RIPK2: variants seen among roughly 807,000 people sequenced by gnomAD.
RIPK2 encodes the protein receptor-interacting serine/threonine-protein kinase 2.
Under a neutral mutation model 60.9 loss-of-function variants are expected in RIPK2, and 38 were observed. That is an observed-to-expected ratio of 0.62 (90% confidence interval 0.48 to 0.82). The LOEUF is 0.82. Ranked by LOEUF, RIPK2 falls within the 40% of genes least tolerant of loss-of-function variation. The pLI, the probability that RIPK2 is intolerant of heterozygous loss-of-function variation, is 0.00. For synonymous variants in RIPK2, 225 were observed against 223.4 expected (o/e 1.01, Z -0.06); for missense variants, 518 against 647.0 (o/e 0.80, Z 2.16).
chr8:89,763,358 A>G (rs1809176073), intron 2 of RIPK2, among the ~76,000 whole-genome samples: 1 of 152,202 alleles, frequency 6.6e-6, no homozygotes, highest in Non-Finnish European at 1.5e-5. Context: ...TAATGTTATT[A>G]ATACCAGTTC....
intron 6 of RIPK2, 66 bp downstream of exon 6, chr8:89,772,894 T>C: frequency 1.8e-6 from 2 of 1,138,076 alleles, no homozygotes; most frequent in Non-Finnish European, 2.4e-6. Context: ...GTGAATAAAA[T>C]ATTCCTTGAA....
intron 3 of RIPK2, among the ~76,000 whole-genome samples, chr8:89,768,529 G>T (rs562001518): frequency 2.6e-5 from 4 of 151,678 alleles, no homozygotes; most frequent in Non-Finnish European, 4.4e-5. Flanking sequence ...CATTCAGTTT[G>T]TCTGGAATAC....
At chr8:89,773,597 A>G (rs1809349058) in intron 6 of RIPK2, among the ~76,000 whole-genome samples, 1 of 152,192 alleles carries the variant, frequency 6.6e-6, no homozygotes, top group Admixed American at 6.6e-5. Context: ...ATGATCTGAT[A>G]GAAGTTTAGG....
At chr8:89,769,750 T>C (rs771846979) in intron 3 of RIPK2, 22 bp from the exon 4 acceptor site, 19 of 1,480,108 alleles carry the variant, frequency 1.3e-5, no homozygotes, top group South Asian at 1.5e-5. Context: ...ATTTCTTAAT[T>C]ATTTGCTCTT....
In RIPK2 at chr8:89,757,903, G is replaced by C. The variant is rs1277428521; in HGVS notation, c.-158G>C. The C allele has an allele frequency of 3.6e-6, 5 of 1,383,326 alleles. No homozygotes were observed. The highest frequency in any genetic ancestry group is 4.7e-6 in the Non-Finnish European group (5 of 1,070,800). The allele number at this position is 1,383,326 out of a possible 1,614,324, so 85.7% of individuals were successfully genotyped here. A position where few individuals can be genotyped will look rare whatever the true frequency, so the allele number is the denominator to read the frequency against. Reference sequence around the variant, plus strand: ...AGCAGCGGCTGGCGTGGGCCATCCGGGGAATGGGCGCCCTCGTGACCTAGT... The same window carrying C: ...AGCAGCGGCTGGCGTGGGCCATCCGCGGAATGGGCGCCCTCGTGACCTAGT... On this transcript the variant is annotated 5_prime_UTR_variant, in exon 1 of 11. Coordinates refer to ENST00000220751, the MANE Select transcript of RIPK2 (RefSeq NM_003821.6).
intron 6 of RIPK2, among the ~76,000 whole-genome samples, chr8:89,777,628 G>A (rs774730100): frequency 6.6e-6 from 1 of 151,946 alleles, no homozygotes; most frequent in Non-Finnish European, 1.5e-5. Context: ...ACAAAGTACT[G>A]TTGTCTGCCT....
At position 89,758,203 on chromosome 8, in the gene RIPK2, A is replaced by C. The variant is rs1401126731; in HGVS notation, c.143A>C (p.His48Pro). Residue 48 changes from histidine to proline, a missense_variant, in exon 1 of 11, where the codon CAC becomes CCC. His to Pro is a moderately conservative substitution (Grantham distance 77). Transcript: ENST00000220751. ...TGGCGCGTCCAGGTGGCCGTGAAGCACCTGCACATCCACACTCCGCTGCTC... is the reference window on the plus strand; with the variant it reads ...TGGCGCGTCCAGGTGGCCGTGAAGCCCCTGCACATCCACACTCCGCTGCTC... ...ADWRVQVAVKHLHIHTPLLDS... is the reference protein window; with the variant it reads ...ADWRVQVAVKPLHIHTPLLDS... 6.2e-7 allele frequency: 1 copy of C among 1,609,618 alleles called. No homozygotes were observed. The highest frequency in any genetic ancestry group is 8.5e-7 in the Non-Finnish European group (1 of 1,178,916).
chr8:89,778,082 A>G (rs967775276), intron 6 of RIPK2, among the ~76,000 whole-genome samples: 4 of 152,052 alleles, frequency 2.6e-5, no homozygotes, highest in Admixed American at 2.0e-4. Flanking sequence ...TAAAAAAATA[A>G]AGGAAGCTTG....
intron 2 of RIPK2, among the ~76,000 whole-genome samples, chr8:89,763,741 A>T (rs1303687645): frequency 6.6e-6 from 1 of 152,176 alleles, no homozygotes; most frequent in Non-Finnish European, 1.5e-5. Context: ...TGCCACTGTC[A>T]GTCAGTCATA....
Position 89,784,130 on chromosome 8 carries a change from T to C in RIPK2, c.1020T>C (p.Gly340=). The C allele has an allele frequency of 8.9e-7, 1 of 1,117,806 alleles. No individual in the cohort carries two copies. Among genetic ancestry groups the C allele is most frequent in the Non-Finnish European group, 1.2e-6 (1 of 808,872 alleles). 69.2% of individuals were successfully genotyped at this position (1,117,806 alleles called of 1,614,324 possible). ...CTCTGAACATACCTGTAAATCATGG[T>C]CCACAAGAGGTAAAAAAAAAAAAAA... ...ELSLNIPVNH[G]PQEESCGSSQ... Residue 340 remains glycine, a synonymous_variant, in exon 8 of 11, where the codon GGT becomes GGC. Coordinates refer to ENST00000220751, the MANE Select transcript of RIPK2 (RefSeq NM_003821.6).
chr8:89,789,124 A>C (rs1339764120), intron 9 of RIPK2, among the ~76,000 whole-genome samples, 197 bp from the exon 10 acceptor site: 1 of 152,216 alleles, frequency 6.6e-6, no homozygotes, highest in East Asian at 1.9e-4. Flanking sequence ...CAGAAATTGT[A>C]GTGAAAGCAT....
intron 1 of RIPK2, chr8:89,759,175 T>C (rs1809102952): frequency 2.9e-6 from 1 of 350,692 alleles, no homozygotes; most frequent in Admixed American, 3.2e-5. Context: ...AAATTGTAAA[T>C]GGCTTTCACT....
chr8:89,775,324 G>A (rs2130565960), intron 6 of RIPK2, among the ~76,000 whole-genome samples: 1 of 152,168 alleles, frequency 6.6e-6, no homozygotes, highest in African/African-American at 2.4e-5. Flanking sequence ...ATGGTTCGTT[G>A]CCTGTAATCC....
At chr8:89,789,873 G>A (rs772052957) in intron 10 of RIPK2, among the ~76,000 whole-genome samples, 3 of 152,186 alleles carry the variant, frequency 2.0e-5, no homozygotes, top group Non-Finnish European at 4.4e-5. Context: ...AAAAGGCAAT[G>A]CCTTTTCTGG....
chr8:89,761,145 C>T (rs1809138160), intron 1 of RIPK2, among the ~76,000 whole-genome samples: 1 of 152,042 alleles, frequency 6.6e-6, no homozygotes, highest in Admixed American at 6.5e-5. Context: ...GATTCTTTTG[C>T]TTTGTTTTTT....
At chr8:89,785,193 G>T (rs143853580) in intron 8 of RIPK2, among the ~76,000 whole-genome samples, 1 of 152,188 alleles carries the variant, frequency 6.6e-6, no homozygotes, top group Non-Finnish European at 1.5e-5. Context: ...ATTGTTTCAT[G>T]GGTGGACACG....
intron 6 of RIPK2, among the ~76,000 whole-genome samples, chr8:89,775,472 A>C (rs574479698): frequency 1.1e-4 from 16 of 152,216 alleles, no homozygotes; most frequent in African/African-American, 3.6e-4. Flanking sequence ...TAAAAAAAAA[A>C]AATCCTGGAG....
At chr8:89,770,259 T>C (rs544443993) in intron 4 of RIPK2, among the ~76,000 whole-genome samples, 2 of 151,988 alleles carry the variant, frequency 1.3e-5, no homozygotes, top group African/African-American at 4.8e-5. Flanking sequence ...TTTAGGTTTC[T>C]CAACCTGTTC....
chr8:89,763,045 T>C, intron 2 of RIPK2, 63 bp downstream of exon 2: 2 of 1,082,030 alleles, frequency 1.8e-6, no homozygotes, highest in South Asian at 3.2e-5. Flanking sequence ...TATATTTTAC[T>C]TTGATTTTAT....
Sources: gnomAD v4.1 joint callset for allele counts (sites outside exome capture counted in the v4.1 genomes callset) on GRCh38, gnomAD v4.1.1 for gene constraint, MANE v1.5 for transcripts, NCBI Gene and HGNC (gene_info 2026-07-23, HGNC 2026-07-21) for gene names.